CHP1: variants seen among roughly 807,000 people sequenced by gnomAD.
CHP1 encodes the protein calcineurin like EF-hand protein 1, also known as calcineurin B homologous protein 1.
In CHP1, 11 loss-of-function variants were observed where a neutral mutation model predicts 27.4. The observed-to-expected ratio is 0.40, with a 90% CI of 0.25 to 0.67. The LOEUF is 0.67. CHP1 is among the 30% of genes least tolerant of loss of function. The pLI, the probability that CHP1 is intolerant of heterozygous loss-of-function variation, is 0.38. For synonymous variants in CHP1, 89 were observed against 87.4 expected (o/e 1.02, Z -0.10); for missense variants, 169 against 251.3 (o/e 0.67, Z 2.22).
rs1168731409 is a variant in CHP1, at chr15:41,251,593, G to GCGGC, written c.141-5316_141-5313dup. Among the ~76,000 whole-genome samples the GCGGC allele has an allele frequency of 2.0e-5, 3 of 152,246 alleles. No homozygotes were observed. The East Asian group carries it at 5.8e-4, about 29-fold the overall frequency. On this transcript the variant is annotated intron_variant, in intron 2 of 6. Transcript: ENST00000334660. Reference sequence around the variant, plus strand: ...AGCACCGCCTCCGGTCAGATCAGTGGCGGCACTAGATTCTCATAGGAACAG... The same window carrying GCGGC: ...AGCACCGCCTCCGGTCAGATCAGTGGCGGCCGGCACTAGATTCTCATAGGAACAG...
intron 2 of CHP1, among the ~76,000 whole-genome samples, chr15:41,253,863 C>T (rs1464999333): frequency 6.6e-6 from 1 of 152,034 alleles, no homozygotes; most frequent in East Asian, 1.9e-4. Context: ...TGGCTCCTTG[C>T]AGCCTTGACC....
chr15:41,255,465 G>A (rs1323462835), intron 2 of CHP1, among the ~76,000 whole-genome samples: 1 of 152,138 alleles, frequency 6.6e-6, no homozygotes, highest in Non-Finnish European at 1.5e-5. Flanking sequence ...CTGAGGTCAG[G>A]AGTTCAAGAC....
At chr15:41,239,148 CCTT>C (rs1228118720) in intron 1 of CHP1, among the ~76,000 whole-genome samples, 7 of 152,044 alleles carry the variant, frequency 4.6e-5, no homozygotes, top group African/African-American at 1.2e-4. Flanking sequence ...AGCCTTCTCT[CCTT>C]CTTTTTGTTA....
intron 5 of CHP1, among the ~76,000 whole-genome samples, chr15:41,277,048 C>T (rs1206741083): frequency 6.6e-6 from 1 of 152,190 alleles, no homozygotes; most frequent in Non-Finnish European, 1.5e-5. Context: ...CTTATCCAGT[C>T]ACCTAGATAA....
chr15:41,250,615 A>G (rs1039266595), intron 2 of CHP1, among the ~76,000 whole-genome samples: 18 of 150,506 alleles, frequency 1.2e-4, no homozygotes, highest in Admixed American at 1.1e-3. Context: ...GGAGGAGAAG[A>G]AATAATTTTT....
intron 3 of CHP1, 98 bp from the exon 4 acceptor site, chr15:41,262,658 C>A: frequency 6.8e-7 from 1 of 1,469,240 alleles, no homozygotes; most frequent in Non-Finnish European, 9.4e-7. Context: ...AATGACCTTT[C>A]AGGCTACCGT....
In CHP1 at chr15:41,254,483, T is replaced by TA. The variant is rs764553182; in HGVS notation, c.141-2426dup. Among the ~76,000 whole-genome samples, 16 of 152,348 alleles carry TA rather than the reference T, an allele frequency of 1.1e-4. No individual in the cohort carries two copies. The South Asian group carries it at 1.9e-3, about 18-fold the overall frequency. ...GTAGACTTTGTATTACAGAACAAATTATGTAATAAAAGCTTAGTACATGTT... is the reference window on the plus strand; with the variant it reads ...GTAGACTTTGTATTACAGAACAAATTAATGTAATAAAAGCTTAGTACATGTT... On this transcript the variant is annotated intron_variant, in intron 2 of 6. Transcript: ENST00000334660.
chr15:41,270,316 C>G (rs1338489045), intron 4 of CHP1, among the ~76,000 whole-genome samples: 1 of 151,984 alleles, frequency 6.6e-6, no homozygotes, highest in African/African-American at 2.4e-5. Context: ...ATTTGGCTTT[C>G]TTTGTATGAA....
intron 1 of CHP1, among the ~76,000 whole-genome samples, chr15:41,232,462 C>T (rs2047255119): frequency 1.3e-5 from 2 of 151,946 alleles, no homozygotes; most frequent in Non-Finnish European, 2.9e-5. Flanking sequence ...CCACCCACCT[C>T]GGCCTCCCAA....
At chr15:41,257,409 A>C (rs1358221881) in intron 3 of CHP1, among the ~76,000 whole-genome samples, 3 of 152,106 alleles carry the variant, frequency 2.0e-5, no homozygotes, top group Non-Finnish European at 4.4e-5. Context: ...ATAAAAATAT[A>C]ATGCAAGCCA....
Position 41,281,826 on chromosome 15 carries a change from CTTATTG to C in CHP1, c.*2440_*2445del, listed in dbSNP as rs762700485. 1.3e-5 allele frequency: 2 copies of C among 152,556 alleles called. No homozygotes were observed. The highest frequency in any genetic ancestry group is 2.9e-5 in the Non-Finnish European group (2 of 68,022). 9.5% of individuals were successfully genotyped at this position (152,556 alleles called of 1,614,324 possible). On this transcript the variant is annotated 3_prime_UTR_variant, in exon 7 of 7. Coordinates refer to ENST00000334660, the MANE Select transcript of CHP1 (RefSeq NM_007236.5). ...AAAGTGTTTTAATCCACGGTTGTGC[CTTATTG>C]TTCCATTAAAATTGTATCTTCGATC...
chr15:41,262,371 T>C (rs74012253), intron 3 of CHP1, among the ~76,000 whole-genome samples: 18,718 of 152,002 alleles, frequency 0.12, 1,730 homozygotes, highest in African/African-American at 0.26. Flanking sequence ...TGAGGAGTCA[T>C]TGGGCTGCCT....
rs1176370283 is a variant in CHP1 at position 41,281,517 on chromosome 15, T to C, written c.*2128T>C. On this transcript the variant is annotated 3_prime_UTR_variant, in exon 7 of 7. Coordinates refer to ENST00000334660, the MANE Select transcript of CHP1 (RefSeq NM_007236.5). ...CTGACTCATTGCTTGCTTGCTTGTT[T>C]CCTTGCTTTGGAAAACTATTGAAGA... The C allele has an allele frequency of 1.3e-5, 2 of 152,716 alleles. No individual in the cohort carries two copies. Among genetic ancestry groups the C allele is most frequent in the Non-Finnish European group, 2.9e-5 (2 of 68,056 alleles). 9.5% of individuals were successfully genotyped at this position (152,716 alleles called of 1,614,324 possible).
At chr15:41,240,448 A>G (rs1179317153) in intron 1 of CHP1, among the ~76,000 whole-genome samples, 1 of 152,168 alleles carries the variant, frequency 6.6e-6, no homozygotes, top group Non-Finnish European at 1.5e-5. Flanking sequence ...TACACGAGTA[A>G]CTGATATTAG....
intron 3 of CHP1, among the ~76,000 whole-genome samples, chr15:41,258,435 G>C (rs1297342320): frequency 2.0e-5 from 3 of 152,034 alleles, no homozygotes; most frequent in African/African-American, 7.2e-5. Flanking sequence ...CCAATAATCT[G>C]TTTTATAGCA....
intron 4 of CHP1, among the ~76,000 whole-genome samples, chr15:41,269,085 C>T (rs964666676): frequency 6.6e-6 from 1 of 152,064 alleles, no homozygotes; most frequent in Non-Finnish European, 1.5e-5. Flanking sequence ...TGTCTGTGGT[C>T]CCAACTACTC....
At chr15:41,263,648 G>C (rs1218349882) in intron 4 of CHP1, among the ~76,000 whole-genome samples, 1 of 152,212 alleles carries the variant, frequency 6.6e-6, no homozygotes, top group African/African-American at 2.4e-5. Context: ...GCCAAGGTAG[G>C]TAGATCACTT....
Position 41,281,264 on chromosome 15 carries a change from G to A in CHP1, c.*1875G>A, listed in dbSNP as rs2047544477. 1 of 152,372 alleles carries A rather than the reference G, an allele frequency of 6.6e-6. No homozygotes were observed. Among genetic ancestry groups the A allele is most frequent in the Non-Finnish European group, 1.5e-5 (1 of 68,072 alleles). 9.4% of individuals were successfully genotyped at this position (152,372 alleles called of 1,614,324 possible). A position where few individuals can be genotyped will look rare whatever the true frequency, so the allele number is the denominator to read the frequency against. ...TTGACTGTTGTGTCATTAGCTGCCT[G>A]GTTACATTAGCTCCCTGGCTTCTTG... On this transcript the variant is annotated 3_prime_UTR_variant, in exon 7 of 7. Coordinates refer to ENST00000334660, the MANE Select transcript of CHP1 (RefSeq NM_007236.5).
At chr15:41,243,010 G>A (rs2047315012) in intron 1 of CHP1, among the ~76,000 whole-genome samples, 1 of 151,680 alleles carries the variant, frequency 6.6e-6, no homozygotes, top group Non-Finnish European at 1.5e-5. Context: ...CTCTAAGTCA[G>A]GGCATTGAAA....
Sources: gnomAD v4.1 joint callset for allele counts (sites outside exome capture counted in the v4.1 genomes callset) on GRCh38, gnomAD v4.1.1 for gene constraint, MANE v1.5 for transcripts, NCBI Gene and HGNC (gene_info 2026-07-23, HGNC 2026-07-21) for gene names.